The following SLIT2 variants were observed in gnomAD, a reference collection of about 807,000 sequenced individuals.
The protein encoded by SLIT2 is slit homolog 2 protein.
Under a neutral mutation model 185.7 loss-of-function variants are expected in SLIT2, and 41 were observed. The observed-to-expected ratio is 0.22, with a 90% CI of 0.17 to 0.29. SLIT2 has a LOEUF of 0.29. Among genes scored for constraint, SLIT2 ranks in the 10% least tolerant of loss-of-function variants. The pLI is 1.00. For missense variants in SLIT2, 1,571 were observed against 1,909.0 expected, an observed-to-expected ratio of 0.82 and a Z score of 3.30; for synonymous variants, 693 against 680.2, an observed-to-expected ratio of 1.02 and a Z score of -0.29.
intron 11 of SLIT2, 62 bp from the exon 12 acceptor site, chr4:20,519,320 T>C (rs1243619335): frequency 2.5e-6 from 2 of 811,334 alleles, no homozygotes; most frequent in African/African-American, 1.7e-5. Flanking sequence ...TAAATATGTA[T>C]TAGATGAATT....
In SLIT2 at chr4:20,618,732, G is replaced by A; in HGVS notation, c.4349-36G>A. ...TCACTCTGCATGACTTACAGTGACTGTTCTTAAAATGCTTGTGCTTTTTGT... is the reference window on the plus strand; with the variant it reads ...TCACTCTGCATGACTTACAGTGACTATTCTTAAAATGCTTGTGCTTTTTGT... On this transcript the variant is annotated intron_variant, in intron 36 of 36. Transcript: ENST00000504154. 1.9e-6 allele frequency: 3 copies of A among 1,551,962 alleles called. No individual in the cohort carries two copies. The South Asian group carries it at 3.7e-5, about 19-fold the overall frequency.
rs187292366 is a variant in SLIT2 at position 20,434,735 on chromosome 4, T to G, written c.396-33017T>G. Among the ~76,000 whole-genome samples the G allele has an allele frequency of 3.3e-5, 5 of 152,148 alleles. No homozygotes were observed. In the East Asian group the frequency reaches 9.7e-4, roughly 29 times the overall value. On this transcript the variant is annotated intron_variant, in intron 4 of 36. Coordinates refer to ENST00000504154, the MANE Select transcript of SLIT2 (RefSeq NM_004787.4). ...TTAATTGGGGGCTGAACCATAGAGA[T>G]TTGAAGAAATAAATAGGAACTAGAA...
intron 29 of SLIT2, among the ~76,000 whole-genome samples, chr4:20,587,591 T>C (rs969295560): frequency 3.9e-5 from 6 of 152,226 alleles, no homozygotes; most frequent in East Asian, 3.9e-4. Context: ...CATTATCAAG[T>C]CTGTGGAGTA....
intron 4 of SLIT2, among the ~76,000 whole-genome samples, chr4:20,382,957 A>G (rs2109346463): frequency 6.6e-6 from 1 of 152,308 alleles, no homozygotes; most frequent in African/African-American, 2.4e-5. Flanking sequence ...GACATAGATT[A>G]GTGGAATAGA....
chr4:20,518,730 G>A lies in SLIT2; in HGVS notation c.1059-652G>A, dbSNP rs1188545900. On this transcript the variant is annotated intron_variant, in intron 11 of 36. Coordinates refer to ENST00000504154, the MANE Select transcript of SLIT2 (RefSeq NM_004787.4). Reference sequence around the variant, plus strand: ...CGCCATTCTCCTGCCTCAGCCTCCCGCGCAGCTGGGACTACAGGCGCCCGC... The same window carrying A: ...CGCCATTCTCCTGCCTCAGCCTCCCACGCAGCTGGGACTACAGGCGCCCGC... Among the ~76,000 whole-genome samples, 61 of 132,284 alleles carry A rather than the reference G, an allele frequency of 4.6e-4. 1 individual carries two copies. Among genetic ancestry groups the A allele is most frequent in the Non-Finnish European group, 7.5e-4 (47 of 62,520 alleles). The allele number at this position is 132,284 out of a possible 152,430, so 86.8% of individuals were successfully genotyped here.
chr4:20,289,137 T>C (rs1414515136), intron 4 of SLIT2, among the ~76,000 whole-genome samples: 1 of 152,222 alleles, frequency 6.6e-6, no homozygotes, highest in Non-Finnish European at 1.5e-5. Context: ...ACAATGTCCG[T>C]ACTCTCCAAT....
chr4:20,356,973 A>C (rs1198406227), intron 4 of SLIT2, among the ~76,000 whole-genome samples: 1 of 152,242 alleles, frequency 6.6e-6, no homozygotes, highest in Non-Finnish European at 1.5e-5. Context: ...AAAACAAAAC[A>C]AAACAAAAAC....
chr4:20,463,127 T>C (rs1014979427), intron 4 of SLIT2, among the ~76,000 whole-genome samples: 2 of 152,078 alleles, frequency 1.3e-5, no homozygotes, highest in Non-Finnish European at 2.9e-5. Context: ...CCATGACTAA[T>C]AAATGGTAGA....
intron 4 of SLIT2, among the ~76,000 whole-genome samples, chr4:20,344,893 T>G (rs1022253484): frequency 7.2e-5 from 11 of 152,338 alleles, no homozygotes; most frequent in Admixed American, 6.5e-4. Flanking sequence ...ATTTTTCTCC[T>G]CTAATGCATT....
intron 26 of SLIT2, among the ~76,000 whole-genome samples, chr4:20,559,678 ATTTCCCCAT>A (rs1724539170): frequency 6.6e-6 from 1 of 151,854 alleles, no homozygotes; most frequent in Non-Finnish European, 1.5e-5. Flanking sequence ...GAAAACTATC[ATTTCCCCAT>A]TTGAGATATG....
intron 4 of SLIT2, chr4:20,394,552 G>A (rs1445444556): frequency 1.3e-5 from 2 of 151,614 alleles, no homozygotes; most frequent in Non-Finnish European, 2.9e-5. Context: ...ACTGTATCCT[G>A]CTATTCTTCC....
chr4:20,394,084 G>T (rs574421561), intron 4 of SLIT2, among the ~76,000 whole-genome samples: 1 of 151,898 alleles, frequency 6.6e-6, no homozygotes, highest in South Asian at 2.1e-4. Context: ...CACAGTAAAA[G>T]AATATTTGGT....
At position 20,356,407 on chromosome 4, in the gene SLIT2, C is replaced by A. The variant is rs949431622; in HGVS notation, c.395+87526C>A. Among the ~76,000 whole-genome samples the A allele has an allele frequency of 3.9e-5, 6 of 152,140 alleles. No homozygotes were observed. In the South Asian group the frequency reaches 1.2e-3, roughly 31 times the overall value. On this transcript the variant is annotated intron_variant, in intron 4 of 36. Transcript: ENST00000504154. ...ACAGGTGCAAAGTTGAGGTTACCAG[C>A]GGTACAAGATCAGATCACCTAGTTA...
intron 4 of SLIT2, among the ~76,000 whole-genome samples, chr4:20,309,758 CTT>C (rs1553876753): frequency 2.1e-4 from 6 of 27,956 alleles, no homozygotes; most frequent in Admixed American, 1.5e-3. Context: ...GTCTTTCTTT[CTT>C]TTTTTTTTTT....
At chr4:20,440,391 G>A (rs1317997973) in intron 4 of SLIT2, among the ~76,000 whole-genome samples, 2 of 152,130 alleles carry the variant, frequency 1.3e-5, no homozygotes, top group Non-Finnish European at 2.9e-5. Context: ...AAGATATATG[G>A]TCTTGTGTAC....
intron 4 of SLIT2, among the ~76,000 whole-genome samples, chr4:20,382,587 A>T (rs1724613582): frequency 6.6e-6 from 1 of 152,180 alleles, no homozygotes; most frequent in African/African-American, 2.4e-5. Flanking sequence ...AAATATATAC[A>T]CATAAATGTA....
At chr4:20,256,886 A>G (rs1711906955) in intron 2 of SLIT2, 143 bp downstream of exon 2, 1 of 512,116 alleles carries the variant, frequency 2.0e-6, no homozygotes, top group East Asian at 3.3e-5. Flanking sequence ...TGTGTTTATC[A>G]TTGTACTACA....
chr4:20,394,153 T>C (rs1168310760), intron 4 of SLIT2, among the ~76,000 whole-genome samples: 2 of 151,856 alleles, frequency 1.3e-5, no homozygotes, highest in African/African-American at 4.8e-5. Flanking sequence ...GGTGTATTCA[T>C]GATCCTTGAA....
intron 4 of SLIT2, among the ~76,000 whole-genome samples, chr4:20,303,080 T>C (rs1453638813): frequency 1.3e-5 from 2 of 152,252 alleles, no homozygotes; most frequent in Non-Finnish European, 1.5e-5. Flanking sequence ...AAACCTTTAT[T>C]ATCTATATCT....
Sources: gnomAD v4.1 joint callset for allele counts (sites outside exome capture counted in the v4.1 genomes callset) on GRCh38, gnomAD v4.1.1 for gene constraint, MANE v1.5 for transcripts, NCBI Gene and HGNC (gene_info 2026-07-23, HGNC 2026-07-21) for gene names.